COL21A1: variants seen among roughly 807,000 people sequenced by gnomAD.
COL21A1 encodes collagen alpha-1(XXI) chain.
Under a neutral mutation model 137.9 loss-of-function variants are expected in COL21A1, and 149 were observed. The observed-to-expected ratio is 1.08, with a 90% CI of 0.95 to 1.24. The LOEUF is 1.24. Among genes scored for constraint, COL21A1 ranks in the 50% most tolerant of loss-of-function variants. COL21A1 has a pLI of 0.00. For synonymous variants in COL21A1, 456 were observed against 391.5 expected (o/e 1.16, Z -1.95); for missense variants, 1,167 against 1,158.4 (o/e 1.01, Z -0.11).
At chr6:56,064,667 G>A (rs1482536506) in intron 23 of COL21A1, 45 bp from the exon 24 acceptor site, 28 of 1,332,232 alleles carry the variant, frequency 2.1e-5, no homozygotes, top group Admixed American at 6.3e-5. Flanking sequence ...GCACACTTAC[G>A]ATGCAATCAC....
intron 16 of COL21A1, among the ~76,000 whole-genome samples, chr6:56,106,947 C>T (rs1343235901): frequency 2.6e-5 from 4 of 151,984 alleles, no homozygotes; most frequent in South Asian, 2.1e-4. Context: ...CCACCACGCC[C>T]GGCTAATTTT....
chr6:56,358,417 T>C (rs1765887245), intron 1 of COL21A1, among the ~76,000 whole-genome samples: 1 of 152,340 alleles, frequency 6.6e-6, no homozygotes, highest in Non-Finnish European at 1.5e-5. Flanking sequence ...CTCTAAACAA[T>C]TGATTTCACG....
intron 1 of COL21A1, among the ~76,000 whole-genome samples, chr6:56,258,816 A>T (rs1377936292): frequency 6.6e-6 from 1 of 152,206 alleles, no homozygotes; most frequent in African/African-American, 2.4e-5. Flanking sequence ...ATTTTCAGGC[A>T]TCCAAGCCAG....
Position 56,057,741 on chromosome 6 carries a change from T to C in COL21A1, c.2790A>G (p.Pro930=), listed in dbSNP as rs767020357. The C allele has an allele frequency of 2.5e-6, 4 of 1,612,550 alleles. No homozygotes were observed. In the Admixed American group the frequency reaches 6.7e-5, roughly 27 times the overall value. ...ATGGGTCGCAGATGCCTGGGGGGCC[T>C]GGTTGCCCTTGGATTCCAGGTTTTC... ...DHGKPGIQGQ[P]GPPGICDPSL... Residue 930 remains proline, a synonymous_variant, in exon 30 of 30, where the codon CCA becomes CCG. Transcript: ENST00000244728.
intron 5 of COL21A1, among the ~76,000 whole-genome samples, chr6:56,168,820 C>G (rs76850603): frequency 0.067 from 10,122 of 150,178 alleles, 386 homozygotes; most frequent in Admixed American, 0.11. Context: ...TTTTTCACCC[C>G]CTCTTTGACT....
chr6:56,230,127 G>C (rs892723724), intron 1 of COL21A1, among the ~76,000 whole-genome samples: 1 of 151,882 alleles, frequency 6.6e-6, no homozygotes, highest in East Asian at 1.9e-4. Flanking sequence ...ATTTCTTCCT[G>C]TGGGTCCTGT....
chr6:56,201,248 G>C (rs1240669184), intron 1 of COL21A1, among the ~76,000 whole-genome samples: 2 of 152,132 alleles, frequency 1.3e-5, no homozygotes, highest in Non-Finnish European at 2.9e-5. Flanking sequence ...CTCCCATTCT[G>C]TAGGTTGCCT....
chr6:56,158,108 A>C (rs1775892523), intron 9 of COL21A1, among the ~76,000 whole-genome samples: 1 of 152,068 alleles, frequency 6.6e-6, no homozygotes, highest in African/African-American at 2.4e-5. Flanking sequence ...AAAAATACTA[A>C]AAAATATCAT....
At chr6:56,209,944 C>T (rs918642248) in intron 1 of COL21A1, among the ~76,000 whole-genome samples, 2 of 152,014 alleles carry the variant, frequency 1.3e-5, no homozygotes, top group Admixed American at 6.6e-5. Flanking sequence ...TACTATACAG[C>T]CATAAAGAAG....
chr6:56,083,230 C>T (rs897796703), intron 17 of COL21A1, among the ~76,000 whole-genome samples: 16 of 151,954 alleles, frequency 1.1e-4, no homozygotes, highest in African/African-American at 3.9e-4. Flanking sequence ...TGGCAGAATT[C>T]TGTTTCTTGC....
At chr6:56,322,164 C>A (rs1764884427) in intron 1 of COL21A1, among the ~76,000 whole-genome samples, 2 of 152,096 alleles carry the variant, frequency 1.3e-5, no homozygotes, top group African/African-American at 2.4e-5. Flanking sequence ...CCAGGCGAAA[C>A]CATTGCATCT....
intron 25 of COL21A1, 67 bp downstream of exon 25, chr6:56,061,582 T>C (rs968027428): frequency 4.8e-6 from 5 of 1,049,378 alleles, no homozygotes; most frequent in Non-Finnish European, 5.7e-6. Context: ...ATTTATATAG[T>C]ATTGAAACCC....
At chr6:56,371,714 A>G (rs1562075921) in intron 1 of COL21A1, among the ~76,000 whole-genome samples, 1 of 152,208 alleles carries the variant, frequency 6.6e-6, no homozygotes, top group African/African-American at 2.4e-5. Context: ...GGAGTGTCTG[A>G]GCCATTCAGG....
chr6:56,271,581 A>T (rs1763526078), intron 1 of COL21A1, among the ~76,000 whole-genome samples: 2 of 152,240 alleles, frequency 1.3e-5, no homozygotes, highest in African/African-American at 4.8e-5. Flanking sequence ...AGCTGCAGAA[A>T]TGTGCATAAG....
intron 1 of COL21A1, among the ~76,000 whole-genome samples, chr6:56,203,091 A>C (rs1204458167): frequency 6.6e-6 from 1 of 152,126 alleles, no homozygotes; most frequent in Non-Finnish European, 1.5e-5. Context: ...ATATTGTCAA[A>C]ATATTTTATT....
intron 1 of COL21A1, among the ~76,000 whole-genome samples, chr6:56,208,493 A>T (rs1239071138): frequency 6.6e-6 from 1 of 152,184 alleles, no homozygotes; most frequent in Admixed American, 6.5e-5. Context: ...CTTCAATGAG[A>T]ACTACAAACC....
intron 1 of COL21A1, among the ~76,000 whole-genome samples, chr6:56,234,714 T>C (rs925799588): frequency 6.6e-6 from 1 of 151,796 alleles, no homozygotes; most frequent in Non-Finnish European, 1.5e-5. Flanking sequence ...CCCTCACCCA[T>C]ACTCTCGCAC....
At chr6:56,235,299 T>C (rs941508489) in intron 1 of COL21A1, among the ~76,000 whole-genome samples, 2 of 151,958 alleles carry the variant, frequency 1.3e-5, no homozygotes, top group Non-Finnish European at 2.9e-5. Context: ...ACCAGGCCTA[T>C]ATTCAGCTGG....
At chr6:56,324,225 C>G (rs540401928) in intron 1 of COL21A1, among the ~76,000 whole-genome samples, 5 of 152,120 alleles carry the variant, frequency 3.3e-5, no homozygotes, top group East Asian at 1.9e-4. Flanking sequence ...ACTCAACCAG[C>G]CTTCAATGCC....
Sources: allele counts gnomAD v4.1 joint callset (sites outside exome capture counted in the v4.1 genomes callset), GRCh38; gene constraint gnomAD v4.1.1; transcripts MANE v1.5; gene names NCBI Gene and HGNC (gene_info 2026-07-23, HGNC 2026-07-21).